The following HERC4 variants were observed in gnomAD, a reference collection of about 807,000 sequenced individuals.
HERC4 encodes probable E3 ubiquitin-protein ligase HERC4.
A neutral mutation model predicts 124.3 loss-of-function variants in HERC4; 28 were observed. The observed-to-expected ratio is 0.23, with a 90% CI of 0.17 to 0.31. HERC4 has a LOEUF of 0.31. Ranked by LOEUF, HERC4 falls within the 10% of genes least tolerant of loss-of-function variation. HERC4 has a pLI of 1.00. For synonymous variants in HERC4, 407 were observed against 421.5 expected (o/e 0.97, Z 0.42); for missense variants, 713 against 1,229.3 (o/e 0.58, Z 6.28).
chr10:67,953,977 T>A (rs922085327), intron 19 of HERC4, among the ~76,000 whole-genome samples: 3 of 152,212 alleles, frequency 2.0e-5, no homozygotes, highest in Non-Finnish European at 4.4e-5. Context: ...CTATTCTATC[T>A]AAATTTCTTT....
At chr10:68,048,247 C>G (rs905340536) in intron 3 of HERC4, among the ~76,000 whole-genome samples, 37 of 152,114 alleles carry the variant, frequency 2.4e-4, no homozygotes, top group African/African-American at 8.7e-4. Flanking sequence ...CAGTTTTATT[C>G]ATAATTGCCA....
intron 24 of HERC4, among the ~76,000 whole-genome samples, chr10:67,923,646 C>T (rs933865858): frequency 2.0e-5 from 3 of 152,038 alleles, no homozygotes; most frequent in Non-Finnish European, 2.9e-5. Flanking sequence ...CAGCCTCGAC[C>T]TCCTGGGCTC....
At chr10:67,942,400 T>C (rs2032989479) in intron 19 of HERC4, among the ~76,000 whole-genome samples, 1 of 152,228 alleles carries the variant, frequency 6.6e-6, no homozygotes, top group Non-Finnish European at 1.5e-5. Flanking sequence ...TTTTTGTCCA[T>C]AGTTTGAAAT....
At position 67,931,714 on chromosome 10, in the gene HERC4, C is replaced by T. The variant is rs1012560157; in HGVS notation, c.2838+883G>A. On this transcript the variant is annotated intron_variant, in intron 23 of 24. Coordinates refer to ENST00000373700, the MANE Select transcript of HERC4 (RefSeq NM_015601.4). The stretch of plus-strand genomic sequence containing the variant: ...TGCTGGGATTACAGGCATGAGCCAT[C>T]GCGCCTGGCTTGGTTAGGGCTTCTA... Among the ~76,000 whole-genome samples the T allele has an allele frequency of 9.9e-5, 15 of 152,198 alleles. No individual in the cohort carries two copies. The East Asian group carries it at 2.7e-3, about 28-fold the overall frequency.
rs578022458 is a variant in HERC4, at chr10:68,023,552, G to A, written c.908+1994C>T. 1.8e-4 allele frequency among the ~76,000 whole-genome samples: 28 copies of A among 152,242 alleles called. 2 individuals carry two copies. The South Asian group carries it at 5.8e-3, about 32-fold the overall frequency. ...AATGGTGGTTGCCACAAGAGAGTAT[G>A]GAGAATAGGGAGTCATTGTTTAATG... On this transcript the variant is annotated intron_variant, in intron 8 of 24. Coordinates refer to ENST00000373700, the MANE Select transcript of HERC4 (RefSeq NM_015601.4).
chr10:68,057,476 T>C (rs2040606227), intron 3 of HERC4, among the ~76,000 whole-genome samples: 1 of 151,598 alleles, frequency 6.6e-6, no homozygotes, highest in Non-Finnish European at 1.5e-5. Context: ...ATACAAAAAT[T>C]AGCCGTGCGT....
intron 15 of HERC4, among the ~76,000 whole-genome samples, chr10:67,975,885 CAG>C (rs2035556813): frequency 1.3e-5 from 2 of 152,064 alleles, no homozygotes; most frequent in South Asian, 2.1e-4. Flanking sequence ...AGAAACTGAC[CAG>C]AGTTATACTG....
intron 3 of HERC4, among the ~76,000 whole-genome samples, chr10:68,049,263 GA>G (rs562894354): frequency 6.6e-6 from 1 of 151,590 alleles, no homozygotes; most frequent in African/African-American, 2.4e-5. Context: ...CATTGGGGAA[GA>G]AAAAAAATAA....
chr10:67,986,834 C>T (rs1465712547), intron 15 of HERC4, among the ~76,000 whole-genome samples: 1 of 151,932 alleles, frequency 6.6e-6, no homozygotes, highest in Non-Finnish European at 1.5e-5. Context: ...CCTAGTCCAG[C>T]GCCTATAATA....
rs776312303 is a variant in HERC4, at chr10:67,966,701, T to C, written c.1908A>G (p.Gln636=). The C allele has an allele frequency of 5.6e-6, 9 of 1,610,204 alleles. No homozygotes were observed. In the South Asian group the frequency reaches 8.9e-5, roughly 16 times the overall value. Residue 636 remains glutamine (Q), a synonymous_variant, in exon 16 of 25, where the codon CAA becomes CAG. Coordinates refer to ENST00000373700, the MANE Select transcript of HERC4 (RefSeq NM_015601.4). ...DIRNDYINWV[Q]QQAYGMLADI... ...AACCTACCATTCCATAGGCCTGCTG[T>C]TGGACCCAGTTGATATAATCATTTC...
At chr10:67,979,459 G>GA (rs920505706) in intron 15 of HERC4, among the ~76,000 whole-genome samples, 28 of 151,928 alleles carry the variant, frequency 1.8e-4, no homozygotes, top group Admixed American at 1.6e-3. Context: ...ACAGAATCTA[G>GA]AAAAAAGGCC....
intron 3 of HERC4, 75 bp from the exon 4 acceptor site, chr10:68,044,638 AACT>A: frequency 7.5e-7 from 1 of 1,328,778 alleles, no homozygotes. Context: ...TCTAGTTTTG[AACT>A]TCCAATAAGA....
At chr10:68,033,206 A>C (rs1044138018) in intron 6 of HERC4, among the ~76,000 whole-genome samples, 1 of 152,164 alleles carries the variant, frequency 6.6e-6, no homozygotes, top group Non-Finnish European at 1.5e-5. Context: ...CACCCACAGG[A>C]GCCTACTTAA....
intron 9 of HERC4, among the ~76,000 whole-genome samples, chr10:68,008,284 G>C (rs996288200): frequency 3.3e-5 from 5 of 152,236 alleles, no homozygotes; most frequent in African/African-American, 9.6e-5. Context: ...AAAGCATGTA[G>C]AGACTAATTC....
At chr10:67,965,128 T>A (rs2034780521) in intron 16 of HERC4, 1 of 152,236 alleles carries the variant, frequency 6.6e-6, no homozygotes. Context: ...ACCTCAGGTA[T>A]TTTACCAAAT....
intron 8 of HERC4, among the ~76,000 whole-genome samples, chr10:68,023,448 G>A (rs1271002726): frequency 6.6e-6 from 1 of 152,168 alleles, no homozygotes; most frequent in Non-Finnish European, 1.5e-5. Flanking sequence ...AGATAAGTCA[G>A]TCACCAAAAG....
chr10:67,966,019 A>G (rs2034843183), intron 16 of HERC4: 1 of 152,278 alleles, frequency 6.6e-6, no homozygotes, highest in African/African-American at 2.4e-5. Context: ...TTATATTAAA[A>G]ATCTGAAATA....
intron 4 of HERC4, among the ~76,000 whole-genome samples, chr10:68,043,780 C>T (rs1005936727): frequency 2.0e-5 from 3 of 152,158 alleles, no homozygotes; most frequent in Non-Finnish European, 2.9e-5. Context: ...CACACCATTG[C>T]ACTCCAACCC....
At chr10:67,942,512 T>C (rs2032998675) in intron 19 of HERC4, among the ~76,000 whole-genome samples, 1 of 152,060 alleles carries the variant, frequency 6.6e-6, no homozygotes, top group African/African-American at 2.4e-5. Context: ...TTCCAGTTTG[T>C]TTGTTTGTTT....
Sources: gnomAD v4.1 joint callset for allele counts (sites outside exome capture counted in the v4.1 genomes callset) on GRCh38, gnomAD v4.1.1 for gene constraint, MANE v1.5 for transcripts, NCBI Gene and HGNC (gene_info 2026-07-23, HGNC 2026-07-21) for gene names.